Variants in ZNF618 observed in about 807,000 individuals in gnomAD.
ZNF618 encodes neural precursor cell expressed, developmentally down-regulated 10.
Under a neutral mutation model 103.0 loss-of-function variants are expected in ZNF618, and 34 were observed. The ratio of observed to expected loss-of-function variants is 0.33; its 90% CI spans 0.25 to 0.44. The LOEUF (loss-of-function observed/expected upper bound fraction) is 0.44. ZNF618 is among the 20% of genes least tolerant of loss of function. The pLI, the probability that ZNF618 is intolerant of heterozygous loss-of-function variation, is 1.00. For missense variants in ZNF618, 1,059 were observed against 1,295.4 expected, an observed-to-expected ratio of 0.82 and a Z score of 2.80; for synonymous variants, 551 against 542.2, an observed-to-expected ratio of 1.02 and a Z score of -0.23.
Position 113,945,215 on chromosome 9 carries a change from T to G in ZNF618, c.34-23902T>G, listed in dbSNP as rs528584086. On this transcript the variant is annotated intron_variant, in intron 1 of 14. Transcript: ENST00000374126. ...TTCCCATTGTGTGGATTATGCCCCC[T>G]TCCCTCATCTCTCTTTGCTTGGTTT... Among the ~76,000 whole-genome samples the G allele has an allele frequency of 2.6e-5, 4 of 152,186 alleles. No individual in the cohort carries two copies. The South Asian group carries it at 8.3e-4, about 32-fold the overall frequency.
intron 14 of ZNF618, 44 bp downstream of exon 14, chr9:114,048,038 C>G: frequency 6.7e-7 from 1 of 1,495,416 alleles, no homozygotes; most frequent in Non-Finnish European, 9.1e-7. Context: ...TCCCCTTATG[C>G]TCCAGTTGTT....
intron 1 of ZNF618, among the ~76,000 whole-genome samples, chr9:113,957,253 G>T (rs970415788): frequency 3.9e-5 from 6 of 152,212 alleles, no homozygotes; most frequent in Admixed American, 1.3e-4. Flanking sequence ...AGCACTGGCT[G>T]AGAATATTAT....
At chr9:113,878,576 C>T (rs1018166342) in intron 1 of ZNF618, among the ~76,000 whole-genome samples, 4 of 152,114 alleles carry the variant, frequency 2.6e-5, no homozygotes, top group African/African-American at 4.8e-5. Context: ...AAAGATGAAG[C>T]GTTTTGTGAT....
intron 1 of ZNF618, among the ~76,000 whole-genome samples, chr9:113,886,036 G>A (rs10981993): frequency 0.025 from 3,869 of 152,278 alleles, 134 homozygotes; most frequent in East Asian, 0.18. Flanking sequence ...TTGATTACCA[G>A]GGGTCAGCCC....
At chr9:113,934,729 A>G (rs1356384150) in intron 1 of ZNF618, among the ~76,000 whole-genome samples, 2 of 152,202 alleles carry the variant, frequency 1.3e-5, no homozygotes, top group Admixed American at 6.5e-5. Flanking sequence ...TCGTGAAGAA[A>G]CAGCTAATGA....
chr9:113,936,368 G>A (rs570799993), intron 1 of ZNF618, among the ~76,000 whole-genome samples: 2 of 152,328 alleles, frequency 1.3e-5, no homozygotes, highest in East Asian at 1.9e-4. Context: ...GCCCACTATC[G>A]TGCTAGTAAA....
intron 2 of ZNF618, among the ~76,000 whole-genome samples, chr9:113,975,649 G>A (rs1470798758): frequency 6.6e-6 from 1 of 152,098 alleles, no homozygotes; most frequent in Non-Finnish European, 1.5e-5. Context: ...TGTTGAACTG[G>A]CACATGTAGT....
chr9:113,934,390 CA>C (rs1424220625), intron 1 of ZNF618, among the ~76,000 whole-genome samples: 1 of 152,164 alleles, frequency 6.6e-6, no homozygotes, highest in African/African-American at 2.4e-5. Context: ...TGATCTTGGG[CA>C]GGTGACTCTT....
intron 13 of ZNF618, among the ~76,000 whole-genome samples, chr9:114,038,463 A>G (rs1441530491): frequency 6.6e-6 from 1 of 152,218 alleles, no homozygotes; most frequent in Non-Finnish European, 1.5e-5. Context: ...TCCCAGCCAC[A>G]CTGAATCGGG....
intron 2 of ZNF618, among the ~76,000 whole-genome samples, chr9:113,982,174 C>A (rs1230302490): frequency 2.6e-5 from 4 of 152,204 alleles, no homozygotes; most frequent in Admixed American, 6.5e-5. Flanking sequence ...GCTGTTTCTT[C>A]AAATTTCATG....
intron 10 of ZNF618, among the ~76,000 whole-genome samples, chr9:114,020,480 T>G (rs1842978391): frequency 6.6e-6 from 1 of 152,170 alleles, no homozygotes. Context: ...TAGGGCTTGT[T>G]TAGTTTCTCT....
intron 10 of ZNF618, among the ~76,000 whole-genome samples, chr9:114,017,169 C>T (rs957786568): frequency 2.9e-4 from 44 of 152,300 alleles, no homozygotes; most frequent in Non-Finnish European, 3.8e-4. Flanking sequence ...TCAGTCTGAA[C>T]AGATGCATGA....
rs914492143 is a variant in ZNF618, at chr9:114,028,469, A to G, written c.845-264A>G. On this transcript the variant is annotated intron_variant, in intron 10 of 14. Coordinates refer to ENST00000374126, the MANE Select transcript of ZNF618 (RefSeq NM_001318042.2). ...ATGCCCTAAGAGCCAGTCAGTCCAG[A>G]GACTGGGCTGGTCAAGGGTTATGGG... 5 of 529,860 alleles carry G rather than the reference A, an allele frequency of 9.4e-6. No individual in the cohort carries two copies. In the African/African-American group the frequency reaches 9.5e-5, roughly 10 times the overall value. 32.8% of individuals were successfully genotyped at this position (529,860 alleles called of 1,614,324 possible). A position where few individuals can be genotyped will look rare whatever the true frequency, so the allele number is the denominator to read the frequency against.
At chr9:114,033,910 C>T (rs1844340058) in intron 12 of ZNF618, among the ~76,000 whole-genome samples, 1 of 152,176 alleles carries the variant, frequency 6.6e-6, no homozygotes, top group Non-Finnish European at 1.5e-5. Flanking sequence ...TCTGAGACAG[C>T]CAGGAGCGCA....
At chr9:113,910,154 T>G (rs887486737) in intron 1 of ZNF618, among the ~76,000 whole-genome samples, 1 of 152,104 alleles carries the variant, frequency 6.6e-6, no homozygotes, top group East Asian at 1.9e-4. Flanking sequence ...ATGGCTCTCC[T>G]AGATACACCT....
In ZNF618 at chr9:114,003,483, G is replaced by A. The variant is rs112022050; in HGVS notation, c.550+821G>A. Among the ~76,000 whole-genome samples the A allele has an allele frequency of 3.3e-3, 507 of 152,346 alleles. 2 individuals are homozygous for A. The highest frequency in any genetic ancestry group is 7.4e-3 in the African/African-American group (306 of 41,576). ...CCCAAATGCCCAGAGCTCATTGAAT[G>A]GAGAAGTAAGTCTAGTGACACAAAA... is the stretch of plus-strand genomic sequence containing the variant. On this transcript the variant is annotated intron_variant, in intron 6 of 14. Coordinates refer to ENST00000374126, the MANE Select transcript of ZNF618 (RefSeq NM_001318042.2).
chr9:114,029,429 T>C (rs1384987408), intron 11 of ZNF618, among the ~76,000 whole-genome samples: 1 of 152,188 alleles, frequency 6.6e-6, no homozygotes, highest in Non-Finnish European at 1.5e-5. Context: ...GGCTGCCTCC[T>C]TGAGTAGAGT....
intron 1 of ZNF618, among the ~76,000 whole-genome samples, chr9:113,911,468 A>T (rs1292890624): frequency 6.6e-6 from 1 of 152,020 alleles, no homozygotes; most frequent in East Asian, 1.9e-4. Context: ...AGCTGGGATT[A>T]CAGGCACCTG....
chr9:113,969,007 C>T, intron 1 of ZNF618, 110 bp from the exon 2 acceptor site: 1 of 1,283,048 alleles, frequency 7.8e-7, no homozygotes, highest in Non-Finnish European at 1.1e-6. Context: ...GTGGCCAGCT[C>T]ACCCCACAGT....
Sources: gnomAD v4.1 joint callset for allele counts (sites outside exome capture counted in the v4.1 genomes callset) on GRCh38, gnomAD v4.1.1 for gene constraint, MANE v1.5 for transcripts, NCBI Gene and HGNC (gene_info 2026-07-23, HGNC 2026-07-21) for gene names.